HMCN2: variants seen among roughly 807,000 people sequenced by gnomAD.
HMCN2 encodes the protein hemicentin-2.
HMCN2 carries 325 observed loss-of-function variants against 377.5 expected under a neutral mutation model. The observed-to-expected ratio is 0.86, with a 90% CI of 0.79 to 0.94. The LOEUF (loss-of-function observed/expected upper bound fraction) is 0.94. Ranked by LOEUF, HMCN2 falls within the 40% of genes least tolerant of loss-of-function variation. HMCN2 has a pLI of 0.00. For synonymous variants in HMCN2, 2,007 were observed against 2,046.8 expected, an observed-to-expected ratio of 0.98 and a Z score of 0.53; for missense variants, 4,543 against 4,725.3, an observed-to-expected ratio of 0.96 and a Z score of 1.13.
In HMCN2 at chr9:130,295,656, G is replaced by A. The variant is rs575594186; in HGVS notation, c.785-10G>A. On this transcript the variant is annotated splice_polypyrimidine_tract_variant and intron_variant, in intron 5 of 97. Transcript: ENST00000683500. ...GGTTAGGGACTGAGCAGCCCTTGGG[G>A]CTTCCACAGGGAGGATCCTGCAGGA... 19 of 470,416 alleles carry A rather than the reference G, an allele frequency of 4.0e-5. No individual in the cohort carries two copies. The highest frequency in any genetic ancestry group is 2.8e-4 in the South Asian group (18 of 64,498). 29.1% of individuals were successfully genotyped at this position (470,416 alleles called of 1,614,324 possible).
At chr9:130,364,162 C>T (rs558928333) in intron 40 of HMCN2, among the ~76,000 whole-genome samples, 161 of 152,270 alleles carry the variant, frequency 1.1e-3, no homozygotes, top group Non-Finnish European at 1.5e-3. Flanking sequence ...AACCTCATGG[C>T]GGCCCCATCA....
chr9:130,269,266 C>CTTTTTTTTTTTTT (rs56326154), intron 1 of HMCN2, among the ~76,000 whole-genome samples: 2 of 116,558 alleles, frequency 1.7e-5, no homozygotes, highest in Non-Finnish European at 3.7e-5. Flanking sequence ...GCCCTGGTTC[C>CTTTTTTTTTTTTT]TTTTTTTTTT....
Position 130,348,589 on chromosome 9 carries a change from G to A in HMCN2, c.4069G>A (p.Gly1357Ser). Residue 1357 changes from glycine to serine, a missense_variant, in exon 27 of 98, where the codon GGT becomes AGT. Gly to Ser is a moderately conservative substitution (Grantham distance 56). Around this residue, in one of 5 missense-constraint regions of HMCN2, gnomAD observed 547 missense variants for 189.9 expected, o/e 2.88. Coordinates refer to ENST00000683500, the MANE Select transcript of HMCN2 (RefSeq NM_001291815.2). ...REDGRKANVS[G>S]MAGQSLTLEC... ...GGACGGGCGCAAGGCCAACGTGTCG[G>A]GTATGGCCGGGCAGTCCCTGACGCT... is the stretch of plus-strand genomic sequence containing the variant. 7.7e-7 allele frequency: 1 copy of A among 1,304,294 alleles called. No homozygotes were observed. Among genetic ancestry groups the A allele is most frequent in the South Asian group, 1.2e-5 (1 of 81,032 alleles). 80.8% of individuals were successfully genotyped at this position (1,304,294 alleles called of 1,614,324 possible). A position where few individuals can be genotyped will look rare whatever the true frequency, so the allele number is the denominator to read the frequency against.
At position 130,299,026 on chromosome 9, in the gene HMCN2, A is replaced by T. The variant is rs1421076385; in HGVS notation, c.1014A>T (p.Gly338=). ...LNHTLEWPLQ[G]VPISLVINST... Reference sequence around the variant, plus strand: ...TTGTTCTTCACCTTCCCTCTGCAGGAGTCCCCATCTCCCTGGTGATCAATT... The same window carrying T: ...TTGTTCTTCACCTTCCCTCTGCAGGTGTCCCCATCTCCCTGGTGATCAATT... The change falls in exon 8 of 98, where the codon GGA becomes GGT. Residue 338 remains glycine, a splice_region_variant and synonymous_variant. Transcript: ENST00000683500. 5 of 469,072 alleles carry T rather than the reference A, an allele frequency of 1.1e-5. No homozygotes were observed. Among genetic ancestry groups the T allele is most frequent in the African/African-American group, 1.0e-4 (5 of 50,002 alleles). 29.1% of individuals were successfully genotyped at this position (469,072 alleles called of 1,614,324 possible).
At chr9:130,268,364 G>A (rs1373071540) in intron 1 of HMCN2, among the ~76,000 whole-genome samples, 1 of 124,366 alleles carries the variant, frequency 8.0e-6, no homozygotes, top group Non-Finnish European at 2.0e-5. Flanking sequence ...ATTAGCTTCC[G>A]AGTGACACCC....
intron 90 of HMCN2, 84 bp downstream of exon 90, chr9:130,426,008 C>A: frequency 1.0e-6 from 1 of 996,280 alleles, no homozygotes; most frequent in Non-Finnish European, 1.5e-6. Flanking sequence ...TGGAATCCAC[C>A]CCTGCCCCTA....
intron 74 of HMCN2, 53 bp downstream of exon 74, chr9:130,397,708 C>T: frequency 1.6e-6 from 2 of 1,274,582 alleles, no homozygotes; most frequent in Non-Finnish European, 2.0e-6. Flanking sequence ...GGGTCCAGTC[C>T]TTCTTAGTTT....
intron 8 of HMCN2, among the ~76,000 whole-genome samples, chr9:130,301,408 G>A (rs528846207): frequency 1.3e-5 from 2 of 152,370 alleles, no homozygotes; most frequent in South Asian, 4.1e-4. Flanking sequence ...AGTTGGGGAA[G>A]GGATTTGGTT....
intron 8 of HMCN2, among the ~76,000 whole-genome samples, chr9:130,301,446 C>T (rs1439781187): frequency 6.6e-6 from 1 of 152,238 alleles, no homozygotes; most frequent in Admixed American, 6.5e-5. Flanking sequence ...CCCCGCCCTC[C>T]AGGTCTGGGA....
Position 130,428,420 on chromosome 9 carries a change from C to T in HMCN2, c.14128C>T (p.Leu4710Phe). 6.5e-7 allele frequency: 1 copy of T among 1,547,352 alleles called. No individual in the cohort carries two copies. The highest frequency in any genetic ancestry group is 2.4e-5 in the East Asian group (1 of 40,922). Residue 4710 changes from leucine (L) to phenylalanine (F), a missense_variant, in exon 93 of 98, where the codon CTC (leucine) becomes TTC (phenylalanine). By Grantham distance (22) the Leu-to-Phe change is conservative (BLOSUM62 0). This residue lies in a region of HMCN2 where 1,155 missense variants were observed against 1,157.7 expected (regional missense o/e 1.00). Coordinates refer to ENST00000683500, the MANE Select transcript of HMCN2 (RefSeq NM_001291815.2). The surrounding 1 kb of genome is among the most constrained non-coding windows in gnomAD (Gnocchi z 5.0). ...CREGQRCVNL[L>F]GSYRCLPDCG... ...AGAGGGACAGCGCTGTGTGAACCTGCTCGGGTCCTACCGCTGCCTCCCCGA... is the reference window on the plus strand; with the variant it reads ...AGAGGGACAGCGCTGTGTGAACCTGTTCGGGTCCTACCGCTGCCTCCCCGA...
chr9:130,382,522 C>G (rs2131638074), intron 55 of HMCN2, among the ~76,000 whole-genome samples, 157 bp from the exon 56 acceptor site: 1 of 152,300 alleles, frequency 6.6e-6, no homozygotes, highest in African/African-American at 2.4e-5. Flanking sequence ...TTCTGTGCCC[C>G]CGATTCCTTA....
intron 62 of HMCN2, among the ~76,000 whole-genome samples, chr9:130,390,576 G>A (rs1842265593): frequency 6.6e-6 from 1 of 152,222 alleles, no homozygotes; most frequent in African/African-American, 2.4e-5. Flanking sequence ...GGAGGAGCCC[G>A]AGCAGAGGCC....
In HMCN2 at chr9:130,433,838, C is replaced by T. The variant is rs1485435911; in HGVS notation, c.*145C>T. On this transcript the variant is annotated 3_prime_UTR_variant, in exon 98 of 98. Coordinates refer to ENST00000683500, the MANE Select transcript of HMCN2 (RefSeq NM_001291815.2). ...AGCGAGACCTTGGGTCAACACGACC[C>T]TGCGCACAGCCTTGACCCCCGACAG... The T allele has an allele frequency of 4.4e-6, 3 of 683,318 alleles. No homozygotes were observed. The highest frequency in any genetic ancestry group is 3.8e-5 in the African/African-American group (2 of 52,064). The allele number at this position is 683,318 out of a possible 1,614,324, so 42.3% of individuals were successfully genotyped here.
chr9:130,352,948 CCAA>C lies in HMCN2; in HGVS notation c.4609_4611del (p.Asn1537del). The C allele has an allele frequency of 1.1e-5, 14 of 1,294,298 alleles. No individual in the cohort carries two copies. Among genetic ancestry groups the C allele is most frequent in the Non-Finnish European group, 1.4e-5 (14 of 983,280 alleles). The allele number at this position is 1,294,298 out of a possible 1,614,324, so 80.2% of individuals were successfully genotyped here. On this transcript the variant is annotated inframe_deletion, in exon 31 of 98. Transcript: ENST00000683500. ...TCAGCGCCCCCCACTATCTGGGGCT[CCAA>C]CGAGACAGGCGAGGTGGCCGTCATG...
intron 35 of HMCN2, 136 bp from the exon 36 acceptor site, chr9:130,358,254 A>C: frequency 9.5e-7 from 1 of 1,057,752 alleles, no homozygotes; most frequent in Non-Finnish European, 1.3e-6. Flanking sequence ...TTGGCTCATA[A>C]CTCTACCTCC....
In HMCN2 at chr9:130,365,973, C is replaced by T. The variant is rs1840669987; in HGVS notation, c.6603C>T (p.Pro2201=). The change falls in exon 43 of 98, where the codon CCC becomes CCT. Residue 2201 remains proline (P), a synonymous_variant. Transcript: ENST00000683500. ...GCGAATGCCGGGGTGTCCCCTTCCCCAAGATCTCCTGGAGGAAGGACGGTA... is the reference window on the plus strand; with the variant it reads ...GCGAATGCCGGGGTGTCCCCTTCCCTAAGATCTCCTGGAGGAAGGACGGTA... ...LSCECRGVPF[P]KISWRKDGQP... is the part of the protein sequence containing the mutation. 2.0e-6 allele frequency: 2 copies of T among 985,964 alleles called. No homozygotes were observed. Among genetic ancestry groups the T allele is most frequent in the South Asian group, 9.4e-5 (2 of 21,288 alleles). 61.1% of individuals were successfully genotyped at this position (985,964 alleles called of 1,614,324 possible).
rs969706293 is a variant in HMCN2 at position 130,355,730 on chromosome 9, T to C, written c.5147-16T>C. ...CTGCTCAGCTCCAAACACCCAGGAG[T>C]GTGTTCTGCCTGCAGTGCCCCCACA... On this transcript the variant is annotated splice_polypyrimidine_tract_variant and intron_variant, in intron 32 of 97. Coordinates refer to ENST00000683500, the MANE Select transcript of HMCN2 (RefSeq NM_001291815.2). 2.3e-6 allele frequency: 3 copies of C among 1,278,630 alleles called. No homozygotes were observed. In the African/African-American group the frequency reaches 4.6e-5, roughly 20 times the overall value. The allele number at this position is 1,278,630 out of a possible 1,614,324, so 79.2% of individuals were successfully genotyped here.
At chr9:130,431,176 G>C in intron 95 of HMCN2, 191 bp from the exon 96 acceptor site, 1 of 618,444 alleles carries the variant, frequency 1.6e-6, no homozygotes, top group Non-Finnish European at 2.8e-6. Context: ...AGGTAAGGTG[G>C]GGCTCCTCCC....
At chr9:130,358,864 C>T (rs1035461587) in intron 36 of HMCN2, among the ~76,000 whole-genome samples, 8 of 152,074 alleles carry the variant, frequency 5.3e-5, no homozygotes, top group South Asian at 4.1e-4. Flanking sequence ...TTAGTAGCGA[C>T]GGGGTTTCAC....
Sources: allele counts gnomAD v4.1 joint callset (sites outside exome capture counted in the v4.1 genomes callset), GRCh38; gene constraint gnomAD v4.1.1; regional missense constraint gnomAD v4.1.1; non-coding constraint Gnocchi (gnomAD v3.1); transcripts MANE v1.5; gene names NCBI Gene and HGNC (gene_info 2026-07-23, HGNC 2026-07-21).